Variants in METTL4 observed in about 807,000 individuals in gnomAD.
METTL4 encodes the protein N(6)-adenine-specific methyltransferase METTL4.
A neutral mutation model predicts 54.0 loss-of-function variants in METTL4; 40 were observed. That is an observed-to-expected ratio of 0.74 (90% CI 0.58 to 0.96). The LOEUF (loss-of-function observed/expected upper bound fraction) is 0.96. METTL4 is among the 50% of genes least tolerant of loss of function. The probability of loss-of-function intolerance (pLI) is 0.00; values close to 1 mark genes in which losing one functional copy is unlikely to be tolerated. For missense variants in METTL4, 525 were observed against 549.0 expected, an observed-to-expected ratio of 0.96 and a Z score of 0.44; for synonymous variants, 169 against 183.8, an observed-to-expected ratio of 0.92 and a Z score of 0.65.
intron 5 of METTL4, among the ~76,000 whole-genome samples, chr18:2,548,807 A>T (rs187940505): frequency 3.3e-5 from 5 of 152,000 alleles, no homozygotes; most frequent in Admixed American, 6.6e-5. Context: ...TCTCACTAGC[A>T]CTCTCAGTTC....
At chr18:2,566,677 A>T (rs1042820291) in intron 2 of METTL4, 144 bp downstream of exon 2, 10 of 569,818 alleles carry the variant, frequency 1.8e-5, no homozygotes, top group Non-Finnish European at 2.4e-5. Flanking sequence ...AAAAGCTACA[A>T]ATTATTTCAG....
intron 3 of METTL4, chr18:2,555,630 A>G (rs1289760416): frequency 6.6e-6 from 1 of 152,244 alleles, no homozygotes; most frequent in Non-Finnish European, 1.5e-5. Flanking sequence ...ATAAAGAAAA[A>G]CATAACTCTA....
At chr18:2,544,579 C>A in intron 7 of METTL4, 74 bp downstream of exon 7, 1 of 974,904 alleles carries the variant, frequency 1.0e-6, no homozygotes, top group South Asian at 1.5e-5. Context: ...TTTAAAAAGT[C>A]AATGATTACT....
chr18:2,539,182 T>A (rs748168755), intron 8 of METTL4, 37 bp from the exon 9 acceptor site: 16 of 1,541,296 alleles, frequency 1.0e-5, no homozygotes, highest in Non-Finnish European at 1.4e-5. Flanking sequence ...AAATTATTAT[T>A]GAGGAAGGAA....
intron 3 of METTL4, among the ~76,000 whole-genome samples, chr18:2,559,387 G>C (rs1338885924): frequency 1.3e-5 from 2 of 151,784 alleles, no homozygotes; most frequent in East Asian, 3.9e-4. Flanking sequence ...ACTTACATGA[G>C]GTATAGGCAA....
intron 3 of METTL4, among the ~76,000 whole-genome samples, chr18:2,557,748 G>A (rs747579168): frequency 5.3e-5 from 8 of 152,184 alleles, no homozygotes; most frequent in Non-Finnish European, 1.0e-4. Flanking sequence ...TGCAAAGGGA[G>A]CCTGTGAGCA....
chr18:2,550,427 G>A (rs1567963913), intron 5 of METTL4, among the ~76,000 whole-genome samples: 1 of 152,312 alleles, frequency 6.6e-6, no homozygotes, highest in East Asian at 1.9e-4. Flanking sequence ...TGCAGGCACT[G>A]TAGAAATTAG....
chr18:2,544,660 G>T lies in METTL4; in HGVS notation c.1174C>A (p.Pro392Thr). The T allele has an allele frequency of 6.2e-7, 1 of 1,602,380 alleles. No individual in the cohort carries two copies. Among genetic ancestry groups the T allele is most frequent in the Non-Finnish European group, 8.5e-7 (1 of 1,172,138 alleles). ...LGRVQEKTAL[P>T]LRNADVNVLP... The stretch of plus-strand genomic sequence containing the variant: ...AAAAATCACCTTTCCTACCTCAATG[G>T]TAGAGCAGTTTTTTCTTGAACCCTC... The change falls in exon 7 of 9, where the codon CCA becomes ACA. Residue 392 changes from proline to threonine, a missense_variant. Transcript: ENST00000574538.
At chr18:2,566,421 T>G (rs1413923794) in intron 2 of METTL4, among the ~76,000 whole-genome samples, 1 of 152,226 alleles carries the variant, frequency 6.6e-6, no homozygotes, top group African/African-American at 2.4e-5. Context: ...TACCACTTAC[T>G]GCTTAGAAAT....
At chr18:2,552,174 G>A (rs28460330) in intron 5 of METTL4, among the ~76,000 whole-genome samples, 11,497 of 151,032 alleles carry the variant, frequency 0.076, 795 homozygotes, top group African/African-American at 0.19. Flanking sequence ...GCCTGGTAAC[G>A]GAGTGAGACT....
Position 2,566,948 on chromosome 18 carries a change from G to A in METTL4, c.269C>T (p.Pro90Leu). 3 of 1,614,048 alleles carry A rather than the reference G, an allele frequency of 1.9e-6. No individual in the cohort carries two copies. Among genetic ancestry groups the A allele is most frequent in the Non-Finnish European group, 1.7e-6 (2 of 1,180,012 alleles). ...EMFTRKFVFR[P>L]ELFDVTKPYI... is the part of the protein sequence containing the mutation. ...AGGTTTGGTGACATCAAACAGTTCA[G>A]GTCGAAAAACAAATTTTCGTGTGAA... is the stretch of plus-strand genomic sequence containing the variant. Residue 90 changes from proline to leucine, a missense_variant, in exon 2 of 9, where the codon CCT becomes CTT. Coordinates refer to ENST00000574538, the MANE Select transcript of METTL4 (RefSeq NM_022840.5).
chr18:2,550,440 T>G (rs1390457637), intron 5 of METTL4, among the ~76,000 whole-genome samples: 2 of 152,214 alleles, frequency 1.3e-5, no homozygotes, highest in Non-Finnish European at 2.9e-5. Context: ...GAAATTAGTT[T>G]GATAGCTCTT....
chr18:2,552,643 G>T, intron 5 of METTL4, 52 bp downstream of exon 5: 1 of 1,164,250 alleles, frequency 8.6e-7, no homozygotes, highest in Non-Finnish European at 1.3e-6. Flanking sequence ...AAACTATAAT[G>T]TACAAAGGAC....
At chr18:2,546,434 C>T (rs112486302) in intron 6 of METTL4, among the ~76,000 whole-genome samples, 17 of 152,144 alleles carry the variant, frequency 1.1e-4, no homozygotes, top group Middle Eastern at 3.4e-3. Context: ...GGGTTCAGTA[C>T]CATCCATGGT....
intron 4 of METTL4, chr18:2,553,337 G>C (rs1466864069): frequency 1.3e-5 from 2 of 152,078 alleles, no homozygotes; most frequent in Non-Finnish European, 2.9e-5. Flanking sequence ...TATTTTATAG[G>C]ATGTCCCTCA....
chr18:2,554,730 C>A lies in METTL4; in HGVS notation c.768G>T (p.Leu256=). ...AAAGAAAACTGCTTTTCGGTGGTAG[C>A]AGGTATTTCTGTCCCATTAAAGTAA... ...KVITLMGQKY[L]LPPKSSFLLS... Residue 256 remains leucine (L), a synonymous_variant, in exon 4 of 9, where the codon CTG becomes CTT. Transcript: ENST00000574538. 2.5e-6 allele frequency: 4 copies of A among 1,611,286 alleles called. No individual in the cohort carries two copies. The highest frequency in any genetic ancestry group is 3.4e-6 in the Non-Finnish European group (4 of 1,179,112).
intron 1 of METTL4, among the ~76,000 whole-genome samples, chr18:2,570,181 C>T (rs982499933): frequency 6.6e-6 from 1 of 152,186 alleles, no homozygotes; most frequent in Non-Finnish European, 1.5e-5. Flanking sequence ...TGGAGTCTAG[C>T]TTGAAATGTG....
intron 5 of METTL4, among the ~76,000 whole-genome samples, chr18:2,551,142 C>T (rs1283017074): frequency 5.1e-5 from 6 of 116,998 alleles, no homozygotes; most frequent in Admixed American, 1.1e-4. Flanking sequence ...CCAGCCTGGG[C>T]GACAGAACGA....
At chr18:2,566,046 C>CAAAAAAT (rs143395336) in intron 2 of METTL4, among the ~76,000 whole-genome samples, 7,979 of 82,798 alleles carry the variant, frequency 0.096, 554 homozygotes, top group Non-Finnish European at 0.11. Flanking sequence ...GACTCTGTCT[C>CAAAAAAT]AAATAAATAA....
Sources: allele counts gnomAD v4.1 joint callset (sites outside exome capture counted in the v4.1 genomes callset), GRCh38; gene constraint gnomAD v4.1.1; transcripts MANE v1.5; gene names NCBI Gene and HGNC (gene_info 2026-07-23, HGNC 2026-07-21).